PKN2: variants seen among roughly 807,000 people sequenced by gnomAD.
PKN2 encodes the protein protein kinase N2.
Under a neutral mutation model 119.1 loss-of-function variants are expected in PKN2, and 38 were observed. That is an observed-to-expected ratio of 0.32 (90% CI 0.25 to 0.42). The LOEUF is 0.42. PKN2 is among the 10% of genes least tolerant of loss of function. The pLI, the probability that PKN2 is intolerant of heterozygous loss-of-function variation, is 1.00. For synonymous variants in PKN2, 390 were observed against 384.9 expected, an observed-to-expected ratio of 1.01 and a Z score of -0.15; for missense variants, 850 against 1,165.1, an observed-to-expected ratio of 0.73 and a Z score of 3.94.
At position 88,784,618 on chromosome 1, in the gene PKN2, G is replaced by A. The variant is rs766805304; in HGVS notation, c.986-21G>A. On this transcript the variant is annotated intron_variant, in intron 6 of 21. Coordinates refer to ENST00000370521, the MANE Select transcript of PKN2 (RefSeq NM_006256.4). The stretch of plus-strand genomic sequence containing the variant: ...AGATTAAGGGTTGATGTTCTTATCT[G>A]ATATTTATGTTTGCCAACAGGTACT... 3 of 1,492,462 alleles carry A rather than the reference G, an allele frequency of 2.0e-6. 1 individual carries two copies. The South Asian group carries it at 3.8e-5, about 19-fold the overall frequency. The allele number at this position is 1,492,462 out of a possible 1,614,324, so 92.5% of individuals were successfully genotyped here. A position where few individuals can be genotyped will look rare whatever the true frequency, so the allele number is the denominator to read the frequency against.
chr1:88,684,543 G>A lies in PKN2; in HGVS notation c.-38G>A. 1 of 1,532,418 alleles carries A rather than the reference G, an allele frequency of 6.5e-7. No homozygotes were observed. Among genetic ancestry groups the A allele is most frequent in the South Asian group, 1.2e-5 (1 of 83,520 alleles). The allele number at this position is 1,532,418 out of a possible 1,614,324, so 94.9% of individuals were successfully genotyped here. On this transcript the variant is annotated 5_prime_UTR_variant, in exon 1 of 22. Coordinates refer to ENST00000370521, the MANE Select transcript of PKN2 (RefSeq NM_006256.4). ...GTCCCGCCTTCTCCCTTCGCCAGAG[G>A]CGGCCGCGTCCAGGTGCGGAGTCCA...
intron 1 of PKN2, among the ~76,000 whole-genome samples, chr1:88,699,189 CTA>C (rs1194568746): frequency 6.6e-6 from 1 of 151,992 alleles, no homozygotes; most frequent in Non-Finnish European, 1.5e-5. Context: ...GGACTGTTTT[CTA>C]TGTCTTTAAA....
rs374663309 is a variant in PKN2, at chr1:88,833,101, C to T, written c.2695C>T (p.Arg899Cys). The change falls in exon 21 of 22, where the codon CGC becomes TGC. Residue 899 changes from arginine to cysteine, a missense_variant. This residue lies in a region of PKN2 where 95 missense variants were observed against 150.2 expected (regional missense o/e 0.63). Transcript: ENST00000370521. ...GCTGTTAAGAAGAAATCCTGAACGG[C>T]GCCTTGGGGCTAGCGAGAAAGATGC... ...RRLLRRNPER[R>C]LGASEKDAED... 3 of 1,612,490 alleles carry T rather than the reference C, an allele frequency of 1.9e-6. No individual in the cohort carries two copies. The highest frequency in any genetic ancestry group is 1.7e-6 in the Non-Finnish European group (2 of 1,179,172).
intron 2 of PKN2, among the ~76,000 whole-genome samples, chr1:88,746,586 A>G (rs1231173803): frequency 6.6e-6 from 1 of 152,144 alleles, no homozygotes; most frequent in East Asian, 1.9e-4. Context: ...TAGATTGGCT[A>G]TTATCAAAAA....
intron 8 of PKN2, among the ~76,000 whole-genome samples, chr1:88,795,220 GTCTC>G (rs1425672892): frequency 6.6e-6 from 1 of 152,118 alleles, no homozygotes; most frequent in Admixed American, 6.6e-5. Context: ...AGAGAACGAA[GTCTC>G]TCTCTTTCCT....
At chr1:88,739,149 C>T (rs1375067644) in intron 1 of PKN2, among the ~76,000 whole-genome samples, 1 of 152,008 alleles carries the variant, frequency 6.6e-6, no homozygotes, top group East Asian at 1.9e-4. Context: ...TTTCTTTGTA[C>T]TATTTTTTGT....
chr1:88,831,581 C>T (rs139843304), intron 19 of PKN2, among the ~76,000 whole-genome samples: 22 of 152,048 alleles, frequency 1.4e-4, no homozygotes, highest in African/African-American at 5.1e-4. Flanking sequence ...TTGAAATTTT[C>T]TTAGCTGTGA....
rs1348660284 is a variant in PKN2, at chr1:88,718,964, TC to T, written c.49-22023del. ...TTGAATGAAACCTTCTGGATACCTC[TC>T]TCTTTCTTACCCTCCCCATTCCTAA... On this transcript the variant is annotated intron_variant, in intron 1 of 21. Transcript: ENST00000370521. 4.6e-5 allele frequency among the ~76,000 whole-genome samples: 7 copies of T among 152,254 alleles called. No individual in the cohort carries two copies. In the East Asian group the frequency reaches 1.2e-3, roughly 25 times the overall value.
chr1:88,753,807 G>T (rs958323710), intron 2 of PKN2, among the ~76,000 whole-genome samples: 2 of 152,042 alleles, frequency 1.3e-5, no homozygotes, highest in African/African-American at 4.8e-5. Context: ...CCTCCCGCCA[G>T]GCCTCATGTT....
At chr1:88,773,884 C>T (rs1339041075) in intron 6 of PKN2, among the ~76,000 whole-genome samples, 1 of 152,096 alleles carries the variant, frequency 6.6e-6, no homozygotes, top group Non-Finnish European at 1.5e-5. Context: ...AGGTTTGTAG[C>T]ACAGTCCCCC....
At chr1:88,804,227 A>G (rs1671444839) in intron 8 of PKN2, among the ~76,000 whole-genome samples, 164 bp from the exon 9 acceptor site, 1 of 152,200 alleles carries the variant, frequency 6.6e-6, no homozygotes, top group Non-Finnish European at 1.5e-5. Context: ...ATAAAGTACT[A>G]TACAGTTGAG....
intron 1 of PKN2, among the ~76,000 whole-genome samples, chr1:88,703,451 A>G (rs947810699): frequency 6.6e-5 from 10 of 152,126 alleles, no homozygotes; most frequent in African/African-American, 2.4e-4. Flanking sequence ...ATATATTTTT[A>G]AAGTGAGGCT....
chr1:88,828,443 T>A (rs1672597657), intron 18 of PKN2, 38 bp from the exon 19 acceptor site: 1 of 1,543,318 alleles, frequency 6.5e-7, no homozygotes, highest in African/African-American at 1.4e-5. Context: ...TAGATTTGTT[T>A]TCTTTGCTAA....
At chr1:88,828,454 C>T in intron 18 of PKN2, 27 bp from the exon 19 acceptor site, 1 of 1,550,786 alleles carries the variant, frequency 6.4e-7, no homozygotes. Context: ...TCTTTGCTAA[C>T]AAATGTTTAC....
chr1:88,830,094 G>A (rs567217254), intron 19 of PKN2, among the ~76,000 whole-genome samples: 3 of 152,130 alleles, frequency 2.0e-5, no homozygotes, highest in African/African-American at 7.2e-5. Context: ...GCCCATTTTC[G>A]GAGGTGTAAA....
chr1:88,779,487 C>T (rs1670244756), intron 6 of PKN2, among the ~76,000 whole-genome samples: 1 of 151,296 alleles, frequency 6.6e-6, no homozygotes, highest in African/African-American at 2.4e-5. Flanking sequence ...TATGTCCATC[C>T]TAGATACTAG....
In PKN2 at chr1:88,833,732, T is replaced by C; in HGVS notation, c.*284T>C. The C allele has an allele frequency of 3.3e-6, 1 of 305,496 alleles. No individual in the cohort carries two copies. Among genetic ancestry groups the C allele is most frequent in the Admixed American group, 4.7e-5 (1 of 21,134 alleles). 18.9% of individuals were successfully genotyped at this position (305,496 alleles called of 1,614,324 possible). On this transcript the variant is annotated 3_prime_UTR_variant, in exon 22 of 22. Transcript: ENST00000370521. Reference sequence around the variant, plus strand: ...ATCACGAATACTTTTGGATCAATAGTCTATTTTTAAAAAGAAAGAAAAAAA... The same window carrying C: ...ATCACGAATACTTTTGGATCAATAGCCTATTTTTAAAAAGAAAGAAAAAAA...
chr1:88,748,906 G>C (rs1668878481), intron 2 of PKN2, among the ~76,000 whole-genome samples: 1 of 152,084 alleles, frequency 6.6e-6, no homozygotes, highest in African/African-American at 2.4e-5. Flanking sequence ...CTCCAGCCTG[G>C]GCAGCAGAGC....
chr1:88,731,309 C>T (rs1458984977), intron 1 of PKN2, among the ~76,000 whole-genome samples: 1 of 152,140 alleles, frequency 6.6e-6, no homozygotes, highest in East Asian at 1.9e-4. Context: ...TTTTGAGGCA[C>T]AGAATGTTGG....
Sources: gnomAD v4.1 joint callset for allele counts (sites outside exome capture counted in the v4.1 genomes callset) on GRCh38, gnomAD v4.1.1 for gene constraint, gnomAD v4.1.1 regional missense constraint, MANE v1.5 for transcripts, NCBI Gene and HGNC (gene_info 2026-07-23, HGNC 2026-07-21) for gene names.